Variants in LAMA3 observed in about 807,000 individuals in gnomAD.
LAMA3 encodes the protein laminin subunit alpha-3.
LAMA3 carries 281 observed loss-of-function variants against 402.0 expected under a neutral mutation model. The observed-to-expected ratio is 0.70, with a 90% CI of 0.63 to 0.77. LAMA3 has a LOEUF of 0.77. Ranked by LOEUF, LAMA3 falls within the 30% of genes least tolerant of loss-of-function variation. The probability of loss-of-function intolerance (pLI) is 0.00; values close to 1 mark genes in which losing one functional copy is unlikely to be tolerated. For missense variants in LAMA3, 3,840 were observed against 4,215.5 expected, an observed-to-expected ratio of 0.91 and a Z score of 2.47; for synonymous variants, 1,431 against 1,558.4, an observed-to-expected ratio of 0.92 and a Z score of 1.93.
At chr18:23,837,570 G>GACATATATATATATATATATATAT (rs1555707624) in intron 25 of LAMA3, among the ~76,000 whole-genome samples, 1 of 83,284 alleles carries the variant, frequency 1.2e-5, no homozygotes. Context: ...CAGTTAATCA[G>GACATATATATATATATATATATAT]ATATATATAT....
In LAMA3 at chr18:23,838,890, C is replaced by T; in HGVS notation, c.3191+12C>T. 6.7e-7 allele frequency: 1 copy of T among 1,494,378 alleles called. No individual in the cohort carries two copies. The highest frequency in any genetic ancestry group is 1.7e-5 in the Admixed American group (1 of 59,862). 92.6% of individuals were successfully genotyped at this position (1,494,378 alleles called of 1,614,324 possible). On this transcript the variant is annotated intron_variant, in intron 26 of 74. Coordinates refer to ENST00000313654, the MANE Select transcript of LAMA3 (RefSeq NM_198129.4). ...TTTGTCAATCAAAGGTAATGTGTTT[C>T]CTTCCTGTCTCCCCGTTCATGTTCT...
chr18:23,943,879 TC>T lies in LAMA3; in HGVS notation c.9119del (p.Ser3040Ter), dbSNP rs1568374405. ...TKNSFMALYL[S>X]KGRLVFALGT... ...GAACTCCTTTATGGCTCTTTATCTTTCAAAAGGACGTCTGGTCTTTGCACTG... is the reference window on the plus strand; with the variant it reads ...GAACTCCTTTATGGCTCTTTATCTTTAAAAGGACGTCTGGTCTTTGCACTG... On this transcript the variant is annotated frameshift_variant, in exon 69 of 75. Coordinates refer to ENST00000313654, the MANE Select transcript of LAMA3 (RefSeq NM_198129.4). LOFTEE classifies it high-confidence loss of function. 1 of 1,614,082 alleles carries T rather than the reference TC, an allele frequency of 6.2e-7. No homozygotes were observed. The highest frequency in any genetic ancestry group is 8.5e-7 in the Non-Finnish European group (1 of 1,179,912).
At chr18:23,905,333 G>C (rs1243208657) in intron 51 of LAMA3, among the ~76,000 whole-genome samples, 189 bp from the exon 52 acceptor site, 1 of 152,120 alleles carries the variant, frequency 6.6e-6, no homozygotes, top group Non-Finnish European at 1.5e-5. Context: ...ACCTCCCCAA[G>C]CCACATAATT....
At chr18:23,767,113 G>T (rs1439760865) in intron 8 of LAMA3, among the ~76,000 whole-genome samples, 1 of 151,878 alleles carries the variant, frequency 6.6e-6, no homozygotes, top group African/African-American at 2.4e-5. Flanking sequence ...TACAGTAACT[G>T]CAAAAAACAA....
chr18:23,914,957 G>T (rs1213916557), intron 58 of LAMA3, 97 bp downstream of exon 58: 2 of 1,030,500 alleles, frequency 1.9e-6, no homozygotes, highest in Non-Finnish European at 2.9e-6. Flanking sequence ...ATATAAAATG[G>T]ATTTAACCGC....
chr18:23,813,042 C>A lies in LAMA3; in HGVS notation c.1742-15C>A. 6.3e-7 allele frequency: 1 copy of A among 1,587,558 alleles called. No individual in the cohort carries two copies. The highest frequency in any genetic ancestry group is 8.6e-7 in the Non-Finnish European group (1 of 1,156,262). ...AAACTACCAGATAATTTAAAAATTT[C>A]TGAATCATATTCAGGTTCCAGCAGT... is the stretch of plus-strand genomic sequence containing the variant. On this transcript the variant is annotated splice_polypyrimidine_tract_variant and intron_variant, in intron 13 of 74. Transcript: ENST00000313654.
intron 27 of LAMA3, among the ~76,000 whole-genome samples, chr18:23,841,993 A>G (rs2063712449): frequency 6.6e-6 from 1 of 152,164 alleles, no homozygotes; most frequent in Non-Finnish European, 1.5e-5. Context: ...ACATATAAGT[A>G]TGGCCTTCTT....
intron 67 of LAMA3, among the ~76,000 whole-genome samples, chr18:23,938,030 C>T (rs2082364897): frequency 6.6e-6 from 1 of 152,112 alleles, no homozygotes; most frequent in South Asian, 2.1e-4. Context: ...AGGCTTGAGG[C>T]CTGGCCCATC....
chr18:23,805,775 G>T (rs2062951104), intron 12 of LAMA3, among the ~76,000 whole-genome samples: 1 of 152,178 alleles, frequency 6.6e-6, no homozygotes, highest in East Asian at 1.9e-4. Context: ...CTTTTTGCCA[G>T]TGTGTAGTCA....
rs1383996516 is a variant in LAMA3, at chr18:23,876,413, T to C, written c.5112+6T>C. 2.6e-6 allele frequency: 4 copies of C among 1,560,644 alleles called. No homozygotes were observed. The highest frequency in any genetic ancestry group is 1.4e-5 in the African/African-American group (1 of 73,816). On this transcript the variant is annotated splice_donor_region_variant and intron_variant, in intron 39 of 74. Transcript: ENST00000313654. ...ATGGCTCAGGCATATGTGTTGTGAG[T>C]AAATTGACACTTTAATGCTATCAGC...
In LAMA3 at chr18:23,874,967, G is replaced by C. The variant is rs191149215; in HGVS notation, c.4999-1327G>C. ...CAACCTCCACCTCCCAGGTTCAAGC[G>C]ATCCTCCCACCTCAACCTCCCGAGT... On this transcript the variant is annotated intron_variant, in intron 38 of 74. Transcript: ENST00000313654. 3.2e-3 allele frequency among the ~76,000 whole-genome samples: 485 copies of C among 152,260 alleles called. 3 individuals carry two copies. Among genetic ancestry groups the C allele is most frequent in the Non-Finnish European group, 4.8e-3 (325 of 68,010 alleles).
chr18:23,894,150 GC>G, intron 42 of LAMA3, 147 bp from the exon 43 acceptor site: 1 of 672,162 alleles, frequency 1.5e-6, no homozygotes, highest in Non-Finnish European at 2.7e-6. Flanking sequence ...TGTGGGTTTT[GC>G]CATTACTTAA....
At chr18:23,858,026 G>T (rs1309463784) in intron 33 of LAMA3, 38 bp downstream of exon 33, 1 of 1,613,684 alleles carries the variant, frequency 6.2e-7, no homozygotes, top group Non-Finnish European at 8.5e-7. Context: ...ACAGCTGCCG[G>T]TCAGCAGGAA....
intron 67 of LAMA3, among the ~76,000 whole-genome samples, chr18:23,934,396 T>C (rs1154236): frequency 0.96 from 146,674 of 152,216 alleles, 70,781 homozygotes; most frequent in East Asian, 1. Flanking sequence ...AGGCTGCATC[T>C]GACCCAATTA....
chr18:23,739,163 C>T (rs1472112738), intron 2 of LAMA3, among the ~76,000 whole-genome samples: 1 of 152,198 alleles, frequency 6.6e-6, no homozygotes, highest in Non-Finnish European at 1.5e-5. Flanking sequence ...TGCACAGCCT[C>T]TTACCTTATT....
At chr18:23,703,457 G>C (rs1370719074) in intron 1 of LAMA3, among the ~76,000 whole-genome samples, 1 of 152,140 alleles carries the variant, frequency 6.6e-6, no homozygotes, top group East Asian at 1.9e-4. Flanking sequence ...ATGTAGAGTA[G>C]TTAAATGAGT....
At chr18:23,758,952 A>G (rs2061911417) in intron 7 of LAMA3, among the ~76,000 whole-genome samples, 1 of 152,184 alleles carries the variant, frequency 6.6e-6, no homozygotes, top group South Asian at 2.1e-4. Context: ...GAAGTGTAAC[A>G]TGGTAGGATT....
intron 12 of LAMA3, among the ~76,000 whole-genome samples, chr18:23,804,617 G>A (rs2062927666): frequency 6.6e-6 from 1 of 152,208 alleles, no homozygotes; most frequent in South Asian, 2.1e-4. Context: ...CAGGACCAGA[G>A]TTGATAGACC....
At chr18:23,742,804 G>A (rs1407396610) in intron 2 of LAMA3, among the ~76,000 whole-genome samples, 1 of 152,032 alleles carries the variant, frequency 6.6e-6, no homozygotes, top group Non-Finnish European at 1.5e-5. Flanking sequence ...TAAAAAGTTG[G>A]GAGAAGTAAA....
Sources: gnomAD v4.1 joint callset for allele counts (sites outside exome capture counted in the v4.1 genomes callset) on GRCh38, gnomAD v4.1.1 for gene constraint, MANE v1.5 for transcripts, NCBI Gene and HGNC (gene_info 2026-07-23, HGNC 2026-07-21) for gene names.